LETM2: variants seen among roughly 807,000 people sequenced by gnomAD.
The protein encoded by LETM2 is LETM1 domain-containing protein LETM2, mitochondrial.
Under a neutral mutation model 59.6 loss-of-function variants are expected in LETM2, and 58 were observed. The ratio of observed to expected loss-of-function variants is 0.97; its 90% CI spans 0.79 to 1.21. The LOEUF (loss-of-function observed/expected upper bound fraction) is 1.21. Among genes scored for constraint, LETM2 ranks in the 50% most tolerant of loss-of-function variants. The pLI is 0.00. For synonymous variants in LETM2, 199 were observed against 214.1 expected (o/e 0.93, Z 0.62); for missense variants, 572 against 575.7 (o/e 0.99, Z 0.07).
intron 8 of LETM2, 24 bp from the exon 9 acceptor site, chr8:38,406,922 T>C: frequency 6.7e-7 from 1 of 1,488,028 alleles, no homozygotes; most frequent in Non-Finnish European, 9.4e-7. Flanking sequence ...AAGCTTATGA[T>C]ACATAAAATG....
upstream of LETM2, among the ~76,000 whole-genome samples, chr8:38,386,033 C>T (rs1163083864): frequency 6.6e-6 from 1 of 152,236 alleles, no homozygotes; most frequent in African/African-American, 2.4e-5. Flanking sequence ...GGAATGCGCT[C>T]CTTCCGATTC....
Position 38,392,992 on chromosome 8 carries a change from A to T in LETM2, c.498A>T (p.Arg166=), listed in dbSNP as rs375682030. ...AGGTCCTGACCAGACGAGAGAGACGAAGGGTAGGCAAGAATCATATTTGAG... is the reference window on the plus strand; with the variant it reads ...AGGTCCTGACCAGACGAGAGAGACGTAGGGTAGGCAAGAATCATATTTGAG... ...HGQVLTRRER[R]RLLRTCVDFF... is the part of the protein sequence containing the mutation. The change falls in exon 3 of 11, where the codon CGA becomes CGT. Residue 166 remains arginine, a synonymous_variant. Coordinates refer to ENST00000379957, the MANE Select transcript of LETM2 (RefSeq NM_001286819.2). The T allele has an allele frequency of 5.0e-6, 8 of 1,584,506 alleles. No individual in the cohort carries two copies. The highest frequency in any genetic ancestry group is 6.8e-6 in the Non-Finnish European group (8 of 1,168,074).
intron 5 of LETM2, 190 bp downstream of exon 5, chr8:38,400,599 G>T: frequency 1.5e-6 from 1 of 672,384 alleles, no homozygotes; most frequent in Non-Finnish European, 2.4e-6. Context: ...CTGTCTTAAA[G>T]TAATCAACGT....
chr8:38,392,569 C>T lies in LETM2; in HGVS notation c.75C>T (p.Thr25=), dbSNP rs1812379054. 1 of 1,611,598 alleles carries T rather than the reference C, an allele frequency of 6.2e-7. No homozygotes were observed. The highest frequency in any genetic ancestry group is 1.7e-4 in the Middle Eastern group (1 of 6,060). The change falls in exon 3 of 11, where the codon ACC becomes ACT. Residue 25 remains threonine (T), a synonymous_variant. Transcript: ENST00000379957. ...TRFPSHFVHP[T]CSSYSPSCAF... ...TCCCTAGCCATTTTGTCCATCCTAC[C>T]TGCTCTTCTTATTCCCCATCATGTG...
In LETM2 at chr8:38,404,480, C is replaced by A. The variant is rs1342153474; in HGVS notation, c.1192C>A (p.Pro398Thr). The change falls in exon 8 of 11, where the codon CCG becomes ACG. Residue 398 changes from proline (P) to threonine (T), a missense_variant. Transcript: ENST00000379957. ...CTACCTGATAGATGTGAAGCCCAAG[C>A]CGATTGAGATACCACTCAGTGGGGA... The part of the protein sequence containing the change: ...TFYLIDVKPK[P>T]IEIPLSGEAP... 2.5e-6 allele frequency: 4 copies of A among 1,613,768 alleles called. No homozygotes were observed. The highest frequency in any genetic ancestry group is 1.7e-4 in the Middle Eastern group (1 of 6,060).
chr8:38,388,082 T>TC, intron 2 of LETM2, 52 bp downstream of exon 2: 5 of 261,822 alleles, frequency 1.9e-5, no homozygotes, highest in South Asian at 1.0e-4. Context: ...TTCTTCTTCT[T>TC]TTTTTTTTTT....
upstream of LETM2, among the ~76,000 whole-genome samples, chr8:38,383,929 CAAA>C (rs34110368): frequency 1.7e-4 from 20 of 121,080 alleles, no homozygotes; most frequent in East Asian, 4.7e-4. Flanking sequence ...GGCTATGTCT[CAAA>C]AAAAAAAAAA....
At position 38,409,236 on chromosome 8, in the gene LETM2, G is replaced by A. The variant is rs1813990984; in HGVS notation, c.*962G>A. ...AAGGCCAAAGGTATTTCAGCCTGTAGGTGATAAAATTAGATTTCTTTACTT... is the reference window on the plus strand; with the variant it reads ...AAGGCCAAAGGTATTTCAGCCTGTAAGTGATAAAATTAGATTTCTTTACTT... On this transcript the variant is annotated 3_prime_UTR_variant, in exon 11 of 11. Transcript: ENST00000379957. The A allele has an allele frequency of 6.6e-6, 1 of 152,210 alleles. No individual in the cohort carries two copies. Among genetic ancestry groups the A allele is most frequent in the Admixed American group, 6.5e-5 (1 of 15,278 alleles). 9.4% of individuals were successfully genotyped at this position (152,210 alleles called of 1,614,324 possible). A position where few individuals can be genotyped will look rare whatever the true frequency, so the allele number is the denominator to read the frequency against.
intron 3 of LETM2, chr8:38,393,718 C>T (rs1309121424): frequency 5.9e-6 from 1 of 170,330 alleles, no homozygotes; most frequent in African/African-American, 2.4e-5. Context: ...TAGATGAAGT[C>T]TAGGAGATGC....
Position 38,392,669 on chromosome 8 carries a change from C to A in LETM2, c.175C>A (p.Pro59Thr), listed in dbSNP as rs148738728. The A allele has an allele frequency of 6.8e-5, 110 of 1,614,096 alleles. 1 individual carries two copies. In the African/African-American group the frequency reaches 1.4e-3, roughly 20 times the overall value. The change falls in exon 3 of 11, where the codon CCT (proline) becomes ACT (threonine). Residue 59 changes from proline to threonine, a missense_variant. By Grantham distance (38) the Pro-to-Thr change is conservative. Coordinates refer to ENST00000379957, the MANE Select transcript of LETM2 (RefSeq NM_001286819.2). ...CTATGAGAGCAAGAAGTACTCGGAT[C>A]CTAGTCAGCCAGGCAATACAGTACT... ...KNYESKKYSD[P>T]SQPGNTVLHP...
At chr8:38,395,736 G>A (rs1275161412) in intron 4 of LETM2, among the ~76,000 whole-genome samples, 2 of 151,376 alleles carry the variant, frequency 1.3e-5, no homozygotes, top group African/African-American at 2.4e-5. Context: ...GGCTGGTCTC[G>A]ATGTCCTGAC....
chr8:38,385,272 C>A (rs924430766), upstream of LETM2, among the ~76,000 whole-genome samples: 1 of 152,186 alleles, frequency 6.6e-6, no homozygotes, highest in Non-Finnish European at 1.5e-5. Context: ...CCGCCATCTT[C>A]CATTCTTAAA....
intron 4 of LETM2, among the ~76,000 whole-genome samples, chr8:38,399,121 A>G (rs1812945002): frequency 6.6e-6 from 1 of 151,680 alleles, no homozygotes; most frequent in Non-Finnish European, 1.5e-5. Flanking sequence ...TTGGCTGATC[A>G]TTAGAATCTC....
At chr8:38,390,350 G>C (rs1264175199) in intron 2 of LETM2, among the ~76,000 whole-genome samples, 1 of 151,756 alleles carries the variant, frequency 6.6e-6, no homozygotes, top group African/African-American at 2.4e-5. Context: ...AGCCGGGTGT[G>C]ATGGCTCACA....
Position 38,392,372 on chromosome 8 carries a change from C to T in LETM2, c.48-170C>T, listed in dbSNP as rs567259230. On this transcript the variant is annotated intron_variant, in intron 2 of 10. Coordinates refer to ENST00000379957, the MANE Select transcript of LETM2 (RefSeq NM_001286819.2). ...CCCAGATGGCGTAGGTTGTAGTGAG[C>T]CGAGATTGCACCACTGCACTCCAGC... Among the ~76,000 whole-genome samples the T allele has an allele frequency of 5.3e-5, 8 of 152,044 alleles. No homozygotes were observed. In the South Asian group the frequency reaches 1.7e-3, roughly 32 times the overall value.
intron 6 of LETM2, among the ~76,000 whole-genome samples, chr8:38,402,224 T>C (rs1186873824): frequency 6.6e-6 from 1 of 152,136 alleles, no homozygotes; most frequent in Non-Finnish European, 1.5e-5. Context: ...AAAGCTGCCA[T>C]GGAAAAGTAT....
At chr8:38,388,440 G>T (rs1031579032) in intron 2 of LETM2, among the ~76,000 whole-genome samples, 2 of 151,576 alleles carry the variant, frequency 1.3e-5, no homozygotes, top group Non-Finnish European at 2.9e-5. Flanking sequence ...GTTTCTTGGA[G>T]GCTGGGTGCA....
Position 38,407,013 on chromosome 8 carries a change from T to G in LETM2, c.1286T>G (p.Leu429Arg). ...FTESKENMVD[L>R]APQLKGTKDE... ...GAATCTAAAGAGAACATGGTGGATCTTGCACCTCAACTGAAGGGAACTAAG... is the reference window on the plus strand; with the variant it reads ...GAATCTAAAGAGAACATGGTGGATCGTGCACCTCAACTGAAGGGAACTAAG... The change falls in exon 9 of 11, where the codon CTT (leucine) becomes CGT (arginine). Residue 429 changes from leucine (L) to arginine (R), a missense_variant. By Grantham distance (102) the Leu-to-Arg change is moderately radical. Transcript: ENST00000379957. The G allele has an allele frequency of 6.2e-7, 1 of 1,610,396 alleles. No homozygotes were observed. The highest frequency in any genetic ancestry group is 8.5e-7 in the Non-Finnish European group (1 of 1,176,652).
chr8:38,405,950 A>G (rs981567850), intron 8 of LETM2, among the ~76,000 whole-genome samples: 1 of 152,202 alleles, frequency 6.6e-6, no homozygotes, highest in Non-Finnish European at 1.5e-5. Flanking sequence ...TTAAACTTCT[A>G]TTCTCCATGT....
Sources: gnomAD v4.1 joint callset for allele counts (sites outside exome capture counted in the v4.1 genomes callset) on GRCh38, gnomAD v4.1.1 for gene constraint, MANE v1.5 for transcripts, NCBI Gene and HGNC (gene_info 2026-07-23, HGNC 2026-07-21) for gene names.